Variants in CLYBL observed in about 807,000 individuals in gnomAD.
CLYBL encodes the protein citramalyl-CoA lyase, mitochondrial.
In CLYBL, 31 loss-of-function variants were observed where a neutral mutation model predicts 38.9. The ratio of observed to expected loss-of-function variants is 0.80; its 90% confidence interval spans 0.60 to 1.08. The LOEUF (loss-of-function observed/expected upper bound fraction) is 1.08. CLYBL is among the 50% of genes least tolerant of loss of function. The pLI, the probability that CLYBL is intolerant of heterozygous loss-of-function variation, is 0.00. For synonymous variants in CLYBL, 171 were observed against 158.6 expected (o/e 1.08, Z -0.59); for missense variants, 434 against 411.6 (o/e 1.05, Z -0.47).
chr13:99,868,525 AT>A (rs1396160891), intron 6 of CLYBL, among the ~76,000 whole-genome samples: 1 of 152,226 alleles, frequency 6.6e-6, no homozygotes, highest in East Asian at 1.9e-4. Flanking sequence ...GTATTGTGTT[AT>A]CCATAACGCT....
intron 1 of CLYBL, among the ~76,000 whole-genome samples, chr13:99,646,882 C>A (rs2047184984): frequency 6.6e-6 from 1 of 152,098 alleles, no homozygotes; most frequent in Non-Finnish European, 1.5e-5. Flanking sequence ...CCTAGATCTG[C>A]CTGCTAGCCC....
intron 1 of CLYBL, among the ~76,000 whole-genome samples, chr13:99,748,917 G>T (rs1351813962): frequency 1.3e-5 from 2 of 152,152 alleles, no homozygotes; most frequent in East Asian, 3.9e-4. Context: ...CAGGCAGGTC[G>T]CCTGTAATCC....
At chr13:99,618,412 GTGCCCGCCACCACGC>G (rs1434991176) in intron 1 of CLYBL, among the ~76,000 whole-genome samples, 20 of 152,136 alleles carry the variant, frequency 1.3e-4, no homozygotes, top group African/African-American at 4.1e-4. Flanking sequence ...GGGATTACAG[GTGCCCGCCACCACGC>G]CTGGCTAATT....
intron 2 of CLYBL, among the ~76,000 whole-genome samples, chr13:99,857,338 T>C (rs1182715192): frequency 6.6e-6 from 1 of 152,068 alleles, no homozygotes; most frequent in African/African-American, 2.4e-5. Context: ...GATTTTCGTA[T>C]TTAATGGCTG....
rs1176631224 is a variant in CLYBL, at chr13:99,773,107, C to T, written c.249+97C>T. On this transcript the variant is annotated intron_variant, in intron 2 of 8. Coordinates refer to ENST00000339105, the MANE Select transcript of CLYBL (RefSeq NM_206808.5). ...CCCGCTATTTGGAAAGATTCTACCA[C>T]ACTCATCTTTTGCTGATTATTAACA... 124 of 1,012,986 alleles carry T rather than the reference C, an allele frequency of 1.2e-4. 1 individual carries two copies. The highest frequency in any genetic ancestry group is 1.1e-4 in the Non-Finnish European group (73 of 673,926). The allele number at this position is 1,012,986 out of a possible 1,614,324, so 62.7% of individuals were successfully genotyped here.
At chr13:99,712,751 G>T (rs1396905162) in intron 1 of CLYBL, among the ~76,000 whole-genome samples, 1 of 152,034 alleles carries the variant, frequency 6.6e-6, no homozygotes, top group Non-Finnish European at 1.5e-5. Context: ...GTTTTTAAAG[G>T]AATTCCTTCT....
intron 2 of CLYBL, among the ~76,000 whole-genome samples, chr13:99,840,767 A>G (rs2051054370): frequency 6.7e-6 from 1 of 149,038 alleles, no homozygotes; most frequent in East Asian, 1.9e-4. Context: ...AAAAAAAAAA[A>G]AAAAAAAAAA....
intron 1 of CLYBL, among the ~76,000 whole-genome samples, chr13:99,741,696 T>G (rs4581571): frequency 3.3e-5 from 5 of 152,150 alleles, no homozygotes; most frequent in Admixed American, 2.0e-4. Flanking sequence ...AGGCTGGTCT[T>G]GAACTCCTGA....
At chr13:99,608,847 CTTTTTTTTTTT>C (rs57961216) in intron 1 of CLYBL, among the ~76,000 whole-genome samples, 43 of 87,872 alleles carry the variant, frequency 4.9e-4, no homozygotes, top group African/African-American at 2.2e-3. Flanking sequence ...AGTGATGAGT[CTTTTTTTTTTT>C]TTTTTTTTTT....
chr13:99,813,106 C>T (rs2138994359), intron 2 of CLYBL, among the ~76,000 whole-genome samples: 1 of 152,142 alleles, frequency 6.6e-6, no homozygotes, highest in South Asian at 2.1e-4. Flanking sequence ...TAAAATTCTG[C>T]ACCAAAATGG....
At chr13:99,908,585 A>G (rs2052720537) in exon 10 of CLYBL, among the ~76,000 whole-genome samples, 1 of 152,216 alleles carries the variant, frequency 6.6e-6, no homozygotes, top group African/African-American at 2.4e-5. Flanking sequence ...GTAAGGTAAA[A>G]TAGGAATAAA....
At chr13:99,887,488 T>C (rs1428831342) in intron 7 of CLYBL, among the ~76,000 whole-genome samples, 2 of 152,230 alleles carry the variant, frequency 1.3e-5, no homozygotes, top group Non-Finnish European at 2.9e-5. Flanking sequence ...TGCTGAGCAG[T>C]GGCTCATGCC....
At chr13:99,903,253 C>T (rs532833122) in intron 8 of CLYBL, among the ~76,000 whole-genome samples, 1 of 152,346 alleles carries the variant, frequency 6.6e-6, no homozygotes, top group African/African-American at 2.4e-5. Context: ...AAATCAGGAG[C>T]CTGCTGGCCC....
chr13:99,881,738 A>G (rs1468993015), intron 7 of CLYBL, among the ~76,000 whole-genome samples: 4 of 152,146 alleles, frequency 2.6e-5, no homozygotes, highest in African/African-American at 9.7e-5. Flanking sequence ...TACAATTTTT[A>G]AAGATGTTTA....
rs539752465 is a variant in CLYBL, at chr13:99,828,593, C to A, written c.250-30268C>A. 7.2e-5 allele frequency among the ~76,000 whole-genome samples: 11 copies of A among 152,236 alleles called. No homozygotes were observed. The South Asian group carries it at 1.5e-3, about 20-fold the overall frequency. On this transcript the variant is annotated intron_variant, in intron 2 of 8. Coordinates refer to ENST00000339105, the MANE Select transcript of CLYBL (RefSeq NM_206808.5). ...CTACATTTTAAAAATCAGATGTTCTCAGTGGGGAGCAGGGTTTTCTCTTCG... is the reference window on the plus strand; with the variant it reads ...CTACATTTTAAAAATCAGATGTTCTAAGTGGGGAGCAGGGTTTTCTCTTCG...
At chr13:99,854,224 A>G (rs968546497) in intron 2 of CLYBL, among the ~76,000 whole-genome samples, 4 of 152,098 alleles carry the variant, frequency 2.6e-5, no homozygotes, top group African/African-American at 9.7e-5. Flanking sequence ...GAAAACAACT[A>G]TACATTAACA....
intron 2 of CLYBL, among the ~76,000 whole-genome samples, chr13:99,847,102 A>T (rs1483460438): frequency 6.6e-6 from 1 of 152,184 alleles, no homozygotes; most frequent in African/African-American, 2.4e-5. Context: ...TGTTGTGAAC[A>T]TCACTCTAAA....
chr13:99,638,780 G>A (rs766132327), intron 1 of CLYBL, among the ~76,000 whole-genome samples: 3 of 152,202 alleles, frequency 2.0e-5, no homozygotes, highest in Non-Finnish European at 2.9e-5. Context: ...ACTTAGCATT[G>A]ATAGAATTAG....
intron 7 of CLYBL, among the ~76,000 whole-genome samples, chr13:99,883,231 G>GCAGAA (rs1171373593): frequency 2.0e-5 from 3 of 152,028 alleles, no homozygotes; most frequent in African/African-American, 7.2e-5. Context: ...CTAATAAATA[G>GCAGAA]CAGAACCGAC....
Sources: gnomAD v4.1 joint callset for allele counts (sites outside exome capture counted in the v4.1 genomes callset) on GRCh38, gnomAD v4.1.1 for gene constraint, MANE v1.5 for transcripts, NCBI Gene and HGNC (gene_info 2026-07-23, HGNC 2026-07-21) for gene names.